Variants in APPL2 observed in about 807,000 individuals in gnomAD.
APPL2 encodes DCC-interacting protein 13-beta.
Under a neutral mutation model 92.7 loss-of-function variants are expected in APPL2, and 84 were observed. The ratio of observed to expected loss-of-function variants is 0.91; its 90% CI spans 0.76 to 1.09. The LOEUF is 1.09. Among genes scored for constraint, APPL2 ranks in the 50% least tolerant of loss-of-function variants. APPL2 has a pLI of 0.00. For missense variants in APPL2, 736 were observed against 824.5 expected (o/e 0.89, Z 1.31); for synonymous variants, 291 against 291.0 (o/e 1.00, Z 0.00).
intron 17 of APPL2, among the ~76,000 whole-genome samples, chr12:105,187,899 A>G (rs1009062207): frequency 6.6e-6 from 1 of 152,016 alleles, no homozygotes; most frequent in Non-Finnish European, 1.5e-5. Flanking sequence ...TCTCTCTGTG[A>G]TGGCCAAGTT....
chr12:105,211,776 C>T (rs955739793), intron 4 of APPL2, among the ~76,000 whole-genome samples: 1 of 152,206 alleles, frequency 6.6e-6, no homozygotes, highest in South Asian at 2.1e-4. Context: ...GAAACCTACT[C>T]GCCTGAAAAC....
chr12:105,216,679 C>T (rs1476659862), intron 4 of APPL2, among the ~76,000 whole-genome samples: 1 of 152,218 alleles, frequency 6.6e-6, no homozygotes, highest in African/African-American at 2.4e-5. Flanking sequence ...CCAACGGAAG[C>T]AGTGTGGCCC....
intron 2 of APPL2, among the ~76,000 whole-genome samples, chr12:105,219,799 C>A (rs1195688487): frequency 2.0e-5 from 3 of 152,226 alleles, no homozygotes; most frequent in Admixed American, 6.5e-5. Context: ...TGATACTCAG[C>A]TATGACTGAA....
At chr12:105,189,086 T>G (rs1035155731) in intron 16 of APPL2, among the ~76,000 whole-genome samples, 2 of 152,166 alleles carry the variant, frequency 1.3e-5, no homozygotes, top group African/African-American at 4.8e-5. Flanking sequence ...TGGCATGATT[T>G]CAGCTCACTG....
chr12:105,211,308 G>A lies in APPL2; in HGVS notation c.295C>T (p.Leu99Phe), dbSNP rs1889195803. 2 of 1,610,556 alleles carry A rather than the reference G, an allele frequency of 1.2e-6. No individual in the cohort carries two copies. The highest frequency in any genetic ancestry group is 2.7e-5 in the African/African-American group (2 of 74,852). ...AACTGTTTAGCCAGCTCTGTATGGA[G>A]AAGATTAAGCTGAAAGAAAGAGAAT... ...FSKVVDELNL[L>F]HTELAKQLAD... The change falls in exon 5 of 21, where the codon CTC becomes TTC. Residue 99 changes from leucine (L) to phenylalanine (F), a missense_variant. Physicochemically the swap from Leu to Phe is conservative, Grantham distance 22. Coordinates refer to ENST00000258530, the MANE Select transcript of APPL2 (RefSeq NM_018171.5).
intron 6 of APPL2, 24 bp from the exon 7 acceptor site, chr12:105,208,053 C>A: frequency 6.2e-7 from 1 of 1,613,990 alleles, no homozygotes; most frequent in Non-Finnish European, 8.5e-7. Flanking sequence ...GACATCTGAA[C>A]ACCCAGGAGG....
intron 1 of APPL2, chr12:105,233,155 C>G: frequency 1.0e-6 from 1 of 985,458 alleles, no homozygotes; most frequent in South Asian, 4.7e-5. Context: ...ATTTGTGTTC[C>G]TATCGCAGCA....
Position 105,199,437 on chromosome 12 carries a change from CAG to C in APPL2, c.797_798del (p.Ser266Ter), listed in dbSNP as rs764855761. 1 of 1,614,060 alleles carries C rather than the reference CAG, an allele frequency of 6.2e-7. No individual in the cohort carries two copies. Among genetic ancestry groups the C allele is most frequent in the African/African-American group, 1.3e-5 (1 of 74,924 alleles). On this transcript the variant is annotated frameshift_variant, in exon 10 of 21. Coordinates refer to ENST00000258530, the MANE Select transcript of APPL2 (RefSeq NM_018171.5). LOFTEE classifies it high-confidence loss of function. ...CTGTTGATCTGTGGTGCGGCCACATCAGAGTCTGGAGTGTAAACAGATTCATC... is the reference window on the plus strand; with the variant it reads ...CTGTTGATCTGTGGTGCGGCCACATCAGTCTGGAGTGTAAACAGATTCATC... ...SVDESVYTPD[S>X]DVAAPQINRN...
intron 14 of APPL2, among the ~76,000 whole-genome samples, chr12:105,193,760 C>T (rs956014792): frequency 2.6e-5 from 4 of 152,158 alleles, no homozygotes; most frequent in Admixed American, 6.5e-5. Flanking sequence ...TGTTCTGCTT[C>T]ACAGCTACTA....
intron 9 of APPL2, among the ~76,000 whole-genome samples, chr12:105,200,550 C>T (rs1298076418): frequency 6.6e-6 from 1 of 152,166 alleles, no homozygotes; most frequent in African/African-American, 2.4e-5. Context: ...CTGCCCTTTT[C>T]CCCTACTGAG....
chr12:105,199,246 A>G, intron 10 of APPL2, 127 bp downstream of exon 10: 1 of 1,128,590 alleles, frequency 8.9e-7, no homozygotes, highest in Non-Finnish European at 1.3e-6. Context: ...GGCTGCTGTG[A>G]TGGGAGTTCT....
intron 4 of APPL2, among the ~76,000 whole-genome samples, chr12:105,211,775 T>C (rs909749682): frequency 3.3e-5 from 5 of 152,144 alleles, no homozygotes; most frequent in African/African-American, 1.2e-4. Flanking sequence ...GGAAACCTAC[T>C]CGCCTGAAAA....
chr12:105,219,877 G>A (rs367614562), intron 2 of APPL2, among the ~76,000 whole-genome samples: 1 of 152,180 alleles, frequency 6.6e-6, no homozygotes, highest in Non-Finnish European at 1.5e-5. Flanking sequence ...GCATGTTCCT[G>A]AGGGCAGCAC....
At position 105,174,343 on chromosome 12, in the gene APPL2, C is replaced by G; in HGVS notation, c.1966G>C (p.Glu656Gln). The G allele has an allele frequency of 6.2e-7, 1 of 1,613,944 alleles. No individual in the cohort carries two copies. The highest frequency in any genetic ancestry group is 8.5e-7 in the Non-Finnish European group (1 of 1,179,932). The part of the protein sequence containing the change: ...QPDDDDGNPN[E>Q]HRGAESEA ...GCTTCGGATTCTGCGCCTCTATGTTCGTTTGGATTTCCATCATCGTCATCT... is the reference window on the plus strand; with the variant it reads ...GCTTCGGATTCTGCGCCTCTATGTTGGTTTGGATTTCCATCATCGTCATCT... The change falls in exon 21 of 21, where the codon GAA becomes CAA. Residue 656 changes from glutamate (E) to glutamine (Q), a missense_variant. Transcript: ENST00000258530.
At chr12:105,203,887 C>A (rs1888461986) in intron 8 of APPL2, 102 bp from the exon 9 acceptor site, 1 of 995,910 alleles carries the variant, frequency 1.0e-6, no homozygotes, top group East Asian at 2.5e-5. Context: ...TCACAGCTGG[C>A]TGGCCCGCCT....
intron 9 of APPL2, among the ~76,000 whole-genome samples, chr12:105,201,208 CA>C (rs1888175109): frequency 6.6e-6 from 1 of 152,204 alleles, no homozygotes; most frequent in Admixed American, 6.5e-5. Flanking sequence ...TGCTCCTGGT[CA>C]GCCCCTCTTC....
rs1196877904 is a variant in APPL2 at position 105,203,825 on chromosome 12, G to C, written c.622-40C>G. The C allele has an allele frequency of 3.2e-6, 5 of 1,568,046 alleles. No homozygotes were observed. In the South Asian group the frequency reaches 5.6e-5, roughly 17 times the overall value. On this transcript the variant is annotated intron_variant, in intron 8 of 20. Coordinates refer to ENST00000258530, the MANE Select transcript of APPL2 (RefSeq NM_018171.5). ...TATAATATTCTGAAAATCATCCAGG[G>C]AAGTGATCAGTGAACTCACTGAAGG... is the stretch of plus-strand genomic sequence containing the variant.
At chr12:105,225,122 C>A (rs1890395003) in intron 2 of APPL2, among the ~76,000 whole-genome samples, 2 of 150,806 alleles carry the variant, frequency 1.3e-5, no homozygotes, top group African/African-American at 2.4e-5. Flanking sequence ...TCACGGTTCT[C>A]ATTTCAAAAA....
chr12:105,181,136 C>T (rs923002896), intron 17 of APPL2, among the ~76,000 whole-genome samples: 18 of 152,166 alleles, frequency 1.2e-4, no homozygotes, highest in Admixed American at 2.0e-4. Flanking sequence ...TATGTTCCAT[C>T]AATACCTAGT....
Sources: allele counts gnomAD v4.1 joint callset (sites outside exome capture counted in the v4.1 genomes callset), GRCh38; gene constraint gnomAD v4.1.1; transcripts MANE v1.5; gene names NCBI Gene and HGNC (gene_info 2026-07-23, HGNC 2026-07-21).